Variants in THOC7 observed in about 807,000 individuals in gnomAD.
THOC7 encodes the protein THO complex subunit 7.
In THOC7, 22 loss-of-function variants were observed where a neutral mutation model predicts 33.1. That is an observed-to-expected ratio of 0.66 (90% CI 0.47 to 0.95). THOC7 has a LOEUF of 0.95. THOC7 is among the 40% of genes least tolerant of loss of function. The pLI is 0.00. For missense variants in THOC7, 184 were observed against 245.3 expected (o/e 0.75, Z 1.67); for synonymous variants, 77 against 76.8 (o/e 1.00, Z -0.01).
chr3:63,835,153 C>A lies in THOC7; in HGVS notation c.547+1G>T, dbSNP rs754129889. 2 of 1,613,254 alleles carry A rather than the reference C, an allele frequency of 1.2e-6. No individual in the cohort carries two copies. Among genetic ancestry groups the A allele is most frequent in the South Asian group, 2.2e-5 (2 of 90,940 alleles). Reference sequence around the variant, plus strand: ...TTTACTTTGAGACTATTTCTACTTACTTTCCAATGTTTGCTGAAGTTCATG... The same window carrying A: ...TTTACTTTGAGACTATTTCTACTTAATTTCCAATGTTTGCTGAAGTTCATG... On this transcript the variant is annotated splice_donor_variant, in intron 7 of 7. Transcript: ENST00000295899. LOFTEE classifies it high-confidence loss of function.
intron 1 of THOC7, among the ~76,000 whole-genome samples, chr3:63,847,850 C>G (rs1378810022): frequency 6.6e-6 from 1 of 152,204 alleles, no homozygotes; most frequent in African/African-American, 2.4e-5. Flanking sequence ...TCTAAGCCCT[C>G]CAGCCAATTG....
chr3:63,838,454 T>G lies in THOC7; in HGVS notation c.183A>C (p.Glu61Asp). The change falls in exon 3 of 8, where the codon GAA (glutamate) becomes GAC (aspartate). Residue 61 changes from glutamate (E) to aspartate (D), a missense_variant. Transcript: ENST00000295899. Reference protein sequence around the residue: ...QRMLSTLSQCEFSMGKTLLVY... With the variant: ...QRMLSTLSQCDFSMGKTLLVY... ...CTAGTAAAGTTTTGCCCATTGAAAA[T>G]TCACATTGAGACAGCGTGCTCAGCA... is the stretch of plus-strand genomic sequence containing the variant. 1 of 1,610,564 alleles carries G rather than the reference T, an allele frequency of 6.2e-7. No homozygotes were observed. The highest frequency in any genetic ancestry group is 1.3e-5 in the African/African-American group (1 of 74,832).
intron 1 of THOC7, chr3:63,845,149 TC>T: frequency 1.6e-6 from 1 of 625,296 alleles, no homozygotes; most frequent in South Asian, 1.9e-5. Context: ...GAGGGTTAAG[TC>T]CCCCTCAGAT....
chr3:63,841,719 C>G (rs1024722152), intron 1 of THOC7, among the ~76,000 whole-genome samples: 3 of 152,094 alleles, frequency 2.0e-5, no homozygotes, highest in Non-Finnish European at 4.4e-5. Flanking sequence ...TTTTAACCAC[C>G]AACATTATTA....
intron 1 of THOC7, among the ~76,000 whole-genome samples, chr3:63,849,250 T>A (rs1701971254): frequency 6.6e-6 from 1 of 152,150 alleles, no homozygotes; most frequent in Admixed American, 6.5e-5. Context: ...TGGCCGAGTG[T>A]GGTGGCATGA....
intron 6 of THOC7, 50 bp from the exon 7 acceptor site, chr3:63,835,273 T>C: frequency 6.2e-7 from 1 of 1,612,588 alleles, no homozygotes; most frequent in Non-Finnish European, 8.5e-7. Flanking sequence ...TATATAGATA[T>C]ATAGACAGAC....
At chr3:63,840,103 T>C (rs1701726909) in intron 1 of THOC7, among the ~76,000 whole-genome samples, 1 of 152,180 alleles carries the variant, frequency 6.6e-6, no homozygotes, top group South Asian at 2.1e-4. Flanking sequence ...TACTGGGTTG[T>C]TGAGTGGAAA....
intron 1 of THOC7, chr3:63,848,283 G>A (rs1701945426): frequency 6.6e-6 from 1 of 152,096 alleles, no homozygotes; most frequent in Admixed American, 6.6e-5. Flanking sequence ...AAGCCTGCTA[G>A]CTGGAGGTTT....
intron 1 of THOC7, among the ~76,000 whole-genome samples, chr3:63,843,849 C>T (rs979115459): frequency 5.9e-5 from 9 of 151,532 alleles, no homozygotes; most frequent in South Asian, 2.1e-4. Flanking sequence ...TGCAGTGAAC[C>T]GAGATCACGC....
At chr3:63,843,511 C>T (rs1052613614) in intron 1 of THOC7, among the ~76,000 whole-genome samples, 11 of 152,202 alleles carry the variant, frequency 7.2e-5, no homozygotes, top group African/African-American at 2.7e-4. Flanking sequence ...ATCAGTATGT[C>T]AAAGAGGTAT....
chr3:63,856,209 T>C (rs776412686), intron 1 of THOC7, among the ~76,000 whole-genome samples: 1 of 151,646 alleles, frequency 6.6e-6, no homozygotes, highest in Non-Finnish European at 1.5e-5. Flanking sequence ...ACTGAACTCA[T>C]GGAGGTAGAA....
intron 1 of THOC7, among the ~76,000 whole-genome samples, chr3:63,852,846 G>A (rs188528131): frequency 6.6e-6 from 1 of 152,236 alleles, no homozygotes; most frequent in East Asian, 1.9e-4. Flanking sequence ...AACTAAAAAG[G>A]AGAGATTAGA....
intron 1 of THOC7, among the ~76,000 whole-genome samples, chr3:63,855,738 G>C (rs1201016558): frequency 6.6e-6 from 1 of 152,200 alleles, no homozygotes; most frequent in Non-Finnish European, 1.5e-5. Flanking sequence ...CTAAATTGCA[G>C]GTCAAATGTG....
At position 63,835,287 on chromosome 3, in the gene THOC7, T is replaced by C. The variant is rs373470489; in HGVS notation, c.477+37A>G. 1.5e-4 allele frequency: 244 copies of C among 1,612,178 alleles called. No homozygotes were observed. In the African/African-American group the frequency reaches 2.0e-3, roughly 13 times the overall value. Reference sequence around the variant, plus strand: ...ATATATAGATATATAGACAGACAGATAGACAGATCATGAAGGCTAAATATA... The same window carrying C: ...ATATATAGATATATAGACAGACAGACAGACAGATCATGAAGGCTAAATATA... On this transcript the variant is annotated intron_variant, in intron 6 of 7. Transcript: ENST00000295899.
intron 2 of THOC7, among the ~76,000 whole-genome samples, chr3:63,838,908 T>C (rs892419680): frequency 6.6e-6 from 1 of 152,182 alleles, no homozygotes; most frequent in Non-Finnish European, 1.5e-5. Flanking sequence ...TAAATAAATA[T>C]AGTTAGGCGT....
chr3:63,845,478 G>A (rs190560931), intron 1 of THOC7, among the ~76,000 whole-genome samples: 236 of 152,300 alleles, frequency 1.5e-3, no homozygotes, highest in Non-Finnish European at 2.2e-3. Context: ...GGAAATGTGC[G>A]TTACACTCTC....
intron 4 of THOC7, among the ~76,000 whole-genome samples, chr3:63,837,330 C>T (rs1701656101): frequency 8.2e-6 from 1 of 121,640 alleles, no homozygotes; most frequent in South Asian, 3.4e-4. Context: ...GTTGTGATTA[C>T]ACATTATATT....
upstream of THOC7, among the ~76,000 whole-genome samples, chr3:63,864,335 G>T (rs1702335539): frequency 6.6e-6 from 1 of 151,942 alleles, no homozygotes; most frequent in Admixed American, 6.5e-5. Context: ...TGACGGGGAC[G>T]CCCGGATCCG....
chr3:63,845,996 C>T (rs1274790706), intron 1 of THOC7: 2 of 177,846 alleles, frequency 1.1e-5, no homozygotes, highest in African/African-American at 4.8e-5. Context: ...GAACAAAATT[C>T]TTATTGGCAT....
Sources: allele counts gnomAD v4.1 joint callset (sites outside exome capture counted in the v4.1 genomes callset), GRCh38; gene constraint gnomAD v4.1.1; transcripts MANE v1.5; gene names NCBI Gene and HGNC (gene_info 2026-07-23, HGNC 2026-07-21).